Variants in PDE11A observed in about 807,000 individuals in gnomAD.
The protein encoded by PDE11A is phosphodiesterase 11A, also known as dual 3',5'-cyclic-AMP and -GMP phosphodiesterase 11A.
PDE11A carries 100 observed loss-of-function variants against 100.5 expected under a neutral mutation model. That is an observed-to-expected ratio of 1.00 (90% CI 0.85 to 1.18). The LOEUF is 1.18. Ranked by LOEUF, PDE11A falls within the 50% of genes most tolerant of loss-of-function variation. The pLI is 0.00. For synonymous variants in PDE11A, 381 were observed against 420.8 expected, an observed-to-expected ratio of 0.91 and a Z score of 1.16; for missense variants, 1,141 against 1,152.6, an observed-to-expected ratio of 0.99 and a Z score of 0.15.
Position 177,669,694 on chromosome 2 carries a change from AG to A in PDE11A, c.2488-128del, listed in dbSNP as rs1396278518. On this transcript the variant is annotated intron_variant, in intron 17 of 19. Transcript: ENST00000286063. ...CATTTAAAAAGCTTATGAGGAAGTA[AG>A]TATATTAACCTTTCATGTTTGAAGG... The A allele has an allele frequency of 4.3e-6, 3 of 705,102 alleles. No individual in the cohort carries two copies. The African/African-American group carries it at 5.2e-5, about 12-fold the overall frequency. The allele number at this position is 705,102 out of a possible 1,614,324, so 43.7% of individuals were successfully genotyped here. A position where few individuals can be genotyped will look rare whatever the true frequency, so the allele number is the denominator to read the frequency against.
chr2:178,018,942 T>G (rs1226097946), intron 1 of PDE11A, among the ~76,000 whole-genome samples: 1 of 152,184 alleles, frequency 6.6e-6, no homozygotes, highest in African/African-American at 2.4e-5. Flanking sequence ...GAGATTTCTT[T>G]CCCAGAATCA....
chr2:177,713,160 C>T (rs895569663), intron 12 of PDE11A, among the ~76,000 whole-genome samples: 2 of 152,098 alleles, frequency 1.3e-5, no homozygotes, highest in African/African-American at 4.8e-5. Flanking sequence ...AGGCACCCAC[C>T]ACCACGCCCA....
intron 2 of PDE11A, among the ~76,000 whole-genome samples, chr2:177,924,627 T>C (rs925895893): frequency 6.6e-6 from 1 of 152,198 alleles, no homozygotes; most frequent in Non-Finnish European, 1.5e-5. Context: ...GGTACAATGC[T>C]TCTCAAGAAA....
rs2079879890 is a variant in PDE11A at position 177,629,260 on chromosome 2, C to T, written c.*147G>A. 2.6e-6 allele frequency: 2 copies of T among 771,020 alleles called. No homozygotes were observed. The allele number at this position is 771,020 out of a possible 1,614,324, so 47.8% of individuals were successfully genotyped here. On this transcript the variant is annotated 3_prime_UTR_variant, in exon 20 of 20. Coordinates refer to ENST00000286063, the MANE Select transcript of PDE11A (RefSeq NM_016953.4). ...GTTGCTCTCTCTGCTGCTGACCATG[C>T]TTCAAGGTGAAAGCCCAGGCATGCT...
In PDE11A at chr2:177,957,910, C is replaced by CTTTTTTTTTTTTTTTTTTTTTTTTTTT. The variant is rs748839068; in HGVS notation, c.1072-52724_1072-52723insAAAAAAAAAAAAAAAAAAAAAAAAAAA. On this transcript the variant is annotated intron_variant, in intron 2 of 19. Transcript: ENST00000286063. ...TCCTTTACCTTTGTTTTTCCAATGC[C>CTTTTTTTTTTTTTTTTTTTTTTTTTTT]TTTTTTTTGAGACGGAGTCTCTTGC... 2.9e-4 allele frequency among the ~76,000 whole-genome samples: 33 copies of CTTTTTTTTTTTTTTTTTTTTTTTTTTT among 114,456 alleles called. 3 individuals carry two copies. Among genetic ancestry groups the CTTTTTTTTTTTTTTTTTTTTTTTTTTT allele is most frequent in the African/African-American group, 6.5e-4 (16 of 24,668 alleles). 75.1% of individuals were successfully genotyped at this position (114,456 alleles called of 152,430 possible). A position where few individuals can be genotyped will look rare whatever the true frequency, so the allele number is the denominator to read the frequency against.
chr2:178,063,770 C>A (rs1019935912), intron 1 of PDE11A, among the ~76,000 whole-genome samples: 1 of 152,152 alleles, frequency 6.6e-6, no homozygotes, highest in African/African-American at 2.4e-5. Flanking sequence ...AAAGGGAGTT[C>A]TTCACTCTCT....
chr2:177,899,550 A>T (rs1410668573), intron 3 of PDE11A: 1 of 324,112 alleles, frequency 3.1e-6, no homozygotes, highest in Non-Finnish European at 6.4e-6. Flanking sequence ...TTCTTGGTCA[A>T]ACTTGAGACA....
In PDE11A at chr2:178,019,726, G is replaced by T. The variant is rs575683296; in HGVS notation, c.913-5266C>A. ...AGGGTAAAGAGAAGTAGACAAATAT[G>T]TTGGAAGTTGAGTCTGTAGTACTTC... On this transcript the variant is annotated intron_variant, in intron 1 of 19. Transcript: ENST00000286063. 5.3e-4 allele frequency among the ~76,000 whole-genome samples: 80 copies of T among 152,316 alleles called. 2 individuals are homozygous for T. The highest frequency in any genetic ancestry group is 3.4e-3 in the Middle Eastern group (1 of 294).
chr2:178,038,261 C>T (rs558540160), intron 1 of PDE11A, among the ~76,000 whole-genome samples: 1 of 152,042 alleles, frequency 6.6e-6, no homozygotes, highest in African/African-American at 2.4e-5. Context: ...TCTTCATGCC[C>T]TTTTTAATCC....
At chr2:177,994,479 T>C (rs1002872907) in intron 2 of PDE11A, among the ~76,000 whole-genome samples, 3 of 152,182 alleles carry the variant, frequency 2.0e-5, no homozygotes, top group Non-Finnish European at 2.9e-5. Flanking sequence ...TTCCAAGTTT[T>C]TTTCCTAGGG....
intron 5 of PDE11A, among the ~76,000 whole-genome samples, chr2:177,851,946 G>C (rs1045071370): frequency 2.6e-5 from 4 of 151,928 alleles, no homozygotes; most frequent in African/African-American, 9.7e-5. Context: ...TTCCCCTCTA[G>C]GTGTCCATGT....
At chr2:177,832,818 A>G (rs1343663277) in intron 6 of PDE11A, among the ~76,000 whole-genome samples, 1 of 152,110 alleles carries the variant, frequency 6.6e-6, no homozygotes, top group Non-Finnish European at 1.5e-5. Flanking sequence ...CTCCCCTTCC[A>G]AGCGCTAGCA....
chr2:177,727,338 T>G (rs1440624845), intron 12 of PDE11A, among the ~76,000 whole-genome samples: 1 of 152,124 alleles, frequency 6.6e-6, no homozygotes, highest in African/African-American at 2.4e-5. Context: ...GTTCTGTTAC[T>G]CAACTACATT....
At chr2:177,663,809 C>T (rs1388124350) in intron 19 of PDE11A, 57 bp downstream of exon 19, 8 of 974,728 alleles carry the variant, frequency 8.2e-6, no homozygotes, top group Non-Finnish European at 1.3e-5. Context: ...TTGAGAAATA[C>T]ACACTTTTCC....
At chr2:177,751,416 C>T (rs1574106175) in intron 10 of PDE11A, among the ~76,000 whole-genome samples, 1 of 152,160 alleles carries the variant, frequency 6.6e-6, no homozygotes. Flanking sequence ...ATGATGAGAA[C>T]CTCTGTTGTA....
intron 2 of PDE11A, among the ~76,000 whole-genome samples, chr2:177,984,157 A>T (rs1344990046): frequency 6.6e-6 from 1 of 152,184 alleles, no homozygotes; most frequent in Non-Finnish European, 1.5e-5. Flanking sequence ...CGTAGACATG[A>T]ATGGAAAAGA....
intron 5 of PDE11A, among the ~76,000 whole-genome samples, chr2:177,864,625 A>T (rs1451825105): frequency 6.6e-6 from 1 of 152,160 alleles, no homozygotes; most frequent in Non-Finnish European, 1.5e-5. Flanking sequence ...AAAGAGACAA[A>T]TTGCCCAGCA....
intron 6 of PDE11A, among the ~76,000 whole-genome samples, chr2:177,833,864 AG>A (rs1254020886): frequency 6.6e-6 from 1 of 152,220 alleles, no homozygotes; most frequent in Non-Finnish European, 1.5e-5. Flanking sequence ...CTGCCCCACA[AG>A]TGTTACACCA....
chr2:177,845,770 T>G (rs1321039520), intron 5 of PDE11A, among the ~76,000 whole-genome samples: 2 of 152,232 alleles, frequency 1.3e-5, no homozygotes, highest in Non-Finnish European at 2.9e-5. Context: ...AGACTCCGTC[T>G]GCAATCCCGG....
Sources: allele counts gnomAD v4.1 joint callset (sites outside exome capture counted in the v4.1 genomes callset), GRCh38; gene constraint gnomAD v4.1.1; transcripts MANE v1.5; gene names NCBI Gene and HGNC (gene_info 2026-07-23, HGNC 2026-07-21).